Variants in COL4A4 observed in about 807,000 individuals in gnomAD.
COL4A4 encodes the protein collagen type IV alpha 4 chain.
A neutral mutation model predicts 192.9 loss-of-function variants in COL4A4; 105 were observed. The ratio of observed to expected loss-of-function variants is 0.54; its 90% confidence interval spans 0.46 to 0.64. COL4A4 has a LOEUF of 0.64. Ranked by LOEUF, COL4A4 falls within the 30% of genes least tolerant of loss-of-function variation. The probability of loss-of-function intolerance (pLI) is 0.00; values close to 1 mark genes in which losing one functional copy is unlikely to be tolerated. For synonymous variants in COL4A4, 762 were observed against 769.9 expected, an observed-to-expected ratio of 0.99 and a Z score of 0.17; for missense variants, 1,967 against 2,169.3, an observed-to-expected ratio of 0.91 and a Z score of 1.85.
chr2:226,973,328 G>C, the COL4A4 span, among the ~76,000 whole-genome samples: 1 of 152,228 alleles, frequency 6.6e-6, no homozygotes, highest in East Asian at 1.9e-4. Context: ...AATTGTTTAA[G>C]ACATTTTCCT....
chr2:226,973,124 G>A, the COL4A4 span, among the ~76,000 whole-genome samples: 14 of 152,136 alleles, frequency 9.2e-5, no homozygotes, highest in African/African-American at 2.7e-4. Flanking sequence ...CGGGGTTCTT[G>A]TTCACTTTCA....
intron 42 of COL4A4, 78 bp downstream of exon 42, chr2:227,027,824 G>A (rs1183327330): frequency 1.9e-6 from 2 of 1,031,470 alleles, no homozygotes; most frequent in South Asian, 2.5e-5. Context: ...TAGTAATTCA[G>A]AATATTAACT....
intron 32 of COL4A4, among the ~76,000 whole-genome samples, chr2:227,051,384 G>A (rs907211796): frequency 3.9e-5 from 6 of 152,166 alleles, no homozygotes; most frequent in Admixed American, 1.3e-4. Context: ...GAGCACACAG[G>A]ATTATTTGCC....
At chr2:226,980,033 G>A in the COL4A4 span, among the ~76,000 whole-genome samples, 1 of 152,146 alleles carries the variant, frequency 6.6e-6, no homozygotes, top group Admixed American at 6.5e-5. Flanking sequence ...GGGCTTGTGT[G>A]ACTAACCAGA....
At chr2:227,129,806 C>T (rs980177315) in intron 4 of COL4A4, among the ~76,000 whole-genome samples, 1 of 152,204 alleles carries the variant, frequency 6.6e-6, no homozygotes, top group African/African-American at 2.4e-5. Flanking sequence ...TAAACATATA[C>T]TCATGGATTA....
At chr2:227,142,488 T>A (rs1188315684) in intron 3 of COL4A4, among the ~76,000 whole-genome samples, 1 of 152,162 alleles carries the variant, frequency 6.6e-6, no homozygotes, top group African/African-American at 2.4e-5. Flanking sequence ...CTGCGGTGGC[T>A]CATTCCTGTA....
At chr2:227,041,720 G>GAGGAAGGAAGGAAGGAAGGA (rs71036153) in intron 37 of COL4A4, among the ~76,000 whole-genome samples, 7 of 39,256 alleles carry the variant, frequency 1.8e-4, no homozygotes, top group African/African-American at 3.2e-4. Flanking sequence ...AGGAAGGGAG[G>GAGGAAGGAAGGAAGGAAGGA]AGGAAGGAAG....
At chr2:227,086,088 C>G (rs934749510) in intron 22 of COL4A4, among the ~76,000 whole-genome samples, 3 of 152,212 alleles carry the variant, frequency 2.0e-5, no homozygotes, top group Non-Finnish European at 4.4e-5. Context: ...TCCACTTGCT[C>G]CTAGGCCCTA....
intron 9 of COL4A4, 68 bp from the exon 10 acceptor site, chr2:227,109,354 G>C: frequency 1.6e-6 from 2 of 1,264,900 alleles, no homozygotes; most frequent in Non-Finnish European, 2.3e-6. Flanking sequence ...AAAGAGTTGC[G>C]TGTGATCCCA....
At position 227,140,215 on chromosome 2, in the gene COL4A4, A is replaced by G. The variant is rs183641557; in HGVS notation, c.138T>C (p.Pro46=). The G allele has an allele frequency of 1.2e-5, 19 of 1,614,094 alleles. No individual in the cohort carries two copies. The highest frequency in any genetic ancestry group is 1.5e-5 in the Non-Finnish European group (18 of 1,179,962). ...VYGSGKKYIG[P]CGGRDCSVCH... ...AAACAGAGCAATCTCTTCCTCCACA[A>G]GGACCAATGTATTTCTTTCCACTCT... The change falls in exon 4 of 48, where the codon CCT becomes CCC. Residue 46 remains proline, a synonymous_variant. Transcript: ENST00000396625.
intron 37 of COL4A4, among the ~76,000 whole-genome samples, chr2:227,040,779 G>A (rs561864986): frequency 1.2e-4 from 18 of 152,054 alleles, no homozygotes; most frequent in Non-Finnish European, 1.8e-4. Context: ...GGCCAGGCTG[G>A]TCTCGAACTA....
chr2:227,094,172 G>C lies in COL4A4; in HGVS notation c.1322C>G (p.Pro441Arg). 2.5e-6 allele frequency: 4 copies of C among 1,613,802 alleles called. No individual in the cohort carries two copies. The highest frequency in any genetic ancestry group is 1.1e-5 in the South Asian group (1 of 91,070). ...CAGGCCTGGTGCTCCAGGCAAGCCA[G>C]GTGATCCTGGCTTCCCTGGTTTTCC... ...APGKPGKPGS[P>R]GLPGAPGLQG... is the part of the protein sequence containing the mutation. Residue 441 changes from proline to arginine, a missense_variant, in exon 20 of 48, where the codon CCT becomes CGT. Pro to Arg is a moderately radical substitution (Grantham distance 103). Transcript: ENST00000396625.
intron 3 of COL4A4, among the ~76,000 whole-genome samples, chr2:227,141,612 T>C (rs565984484): frequency 6.6e-6 from 1 of 152,318 alleles, no homozygotes; most frequent in African/African-American, 2.4e-5. Flanking sequence ...GCATTAATTT[T>C]AAAAAGACAT....
chr2:227,041,856 A>AGAGAGAGAG lies in COL4A4; in HGVS notation c.3505+291_3505+292insCTCTCTCTC, dbSNP rs1559478390. 1.2e-3 allele frequency among the ~76,000 whole-genome samples: 120 copies of AGAGAGAGAG among 97,034 alleles called. 1 individual carries two copies. Among genetic ancestry groups the AGAGAGAGAG allele is most frequent in the South Asian group, 1.8e-3 (5 of 2,706 alleles). The allele number at this position is 97,034 out of a possible 152,430, so 63.7% of individuals were successfully genotyped here. A position where few individuals can be genotyped will look rare whatever the true frequency, so the allele number is the denominator to read the frequency against. On this transcript the variant is annotated intron_variant, in intron 37 of 47. Transcript: ENST00000396625. ...AGAAAGAAAGAAAGAAAGAGAAAGA[A>AGAGAGAGAG]AGAAAGAAAGAAAGAAAGAAAGAAA...
intron 44 of COL4A4, among the ~76,000 whole-genome samples, chr2:227,021,323 A>G (rs886621367): frequency 6.6e-6 from 1 of 152,004 alleles, no homozygotes; most frequent in African/African-American, 2.4e-5. Flanking sequence ...ATTTTTCCCC[A>G]TCCCTCCTCT....
At chr2:227,109,705 C>T (rs1337427724) in intron 9 of COL4A4, among the ~76,000 whole-genome samples, 1 of 151,530 alleles carries the variant, frequency 6.6e-6, no homozygotes, top group Non-Finnish European at 1.5e-5. Flanking sequence ...CGAGATTGTG[C>T]CACTGCACTC....
At chr2:227,078,589 A>G (rs2059160789) in intron 24 of COL4A4, among the ~76,000 whole-genome samples, 1 of 152,214 alleles carries the variant, frequency 6.6e-6, no homozygotes, top group African/African-American at 2.4e-5. Context: ...ATGTGTGTTA[A>G]GCCTCAAATA....
chr2:227,046,094 CAT>C (rs769714647), intron 35 of COL4A4, among the ~76,000 whole-genome samples: 1 of 67,246 alleles, frequency 1.5e-5, no homozygotes, highest in African/African-American at 6.9e-5. Context: ...TATATATGTA[CAT>C]ATATATATAT....
chr2:227,116,924 G>A (rs2061520595), intron 7 of COL4A4, among the ~76,000 whole-genome samples: 1 of 152,190 alleles, frequency 6.6e-6, no homozygotes, highest in Admixed American at 6.5e-5. Context: ...GGCAAGTACT[G>A]TTGAAACTAC....
Sources: allele counts gnomAD v4.1 joint callset (sites outside exome capture counted in the v4.1 genomes callset), GRCh38; gene constraint gnomAD v4.1.1; transcripts MANE v1.5; gene names NCBI Gene and HGNC (gene_info 2026-07-23, HGNC 2026-07-21).